The following ALOX5AP variants were observed in gnomAD, a reference collection of about 807,000 sequenced individuals.
ALOX5AP encodes arachidonate 5-lipoxygenase activating protein, also known as arachidonate 5-lipoxygenase-activating protein.
A neutral mutation model predicts 18.5 loss-of-function variants in ALOX5AP; 9 were observed. The ratio of observed to expected loss-of-function variants is 0.49; its 90% CI spans 0.29 to 0.85. The LOEUF (loss-of-function observed/expected upper bound fraction) is 0.85, where lower values mean the gene tolerates loss of function less well. Ranked by LOEUF, ALOX5AP falls within the 40% of genes least tolerant of loss-of-function variation. The probability of loss-of-function intolerance (pLI) is 0.08; values close to 1 mark genes in which losing one functional copy is unlikely to be tolerated. For missense variants in ALOX5AP, 172 were observed against 202.5 expected, an observed-to-expected ratio of 0.85 and a Z score of 0.91; for synonymous variants, 81 against 78.6, an observed-to-expected ratio of 1.03 and a Z score of -0.16.
chr13:30,729,872 G>T lies in ALOX5AP; in HGVS notation c.117-5679G>T, dbSNP rs556365041. On this transcript the variant is annotated intron_variant, in intron 1 of 5. Transcript: ENST00000617770. ...ATTATAGGCATGAGCCACCGTGCCC[G>T]GCCTTAACCTTTGTTTTCTTACACA... 2.6e-5 allele frequency among the ~76,000 whole-genome samples: 4 copies of T among 152,278 alleles called. No individual in the cohort carries two copies. The South Asian group carries it at 8.3e-4, about 32-fold the overall frequency.
At chr13:30,749,134 C>T (rs529711359) in intron 2 of ALOX5AP, among the ~76,000 whole-genome samples, 1 of 152,324 alleles carries the variant, frequency 6.6e-6, no homozygotes, top group African/African-American at 2.4e-5. Flanking sequence ...CATTCAACTC[C>T]AGGCTGACCA....
intron 1 of ALOX5AP, among the ~76,000 whole-genome samples, chr13:30,715,242 G>T (rs188295408): frequency 6.6e-6 from 1 of 152,168 alleles, no homozygotes; most frequent in Non-Finnish European, 1.5e-5. Flanking sequence ...TGTAAAAAGG[G>T]CAATAATATA....
At chr13:30,729,633 G>A (rs528050566) in intron 1 of ALOX5AP, among the ~76,000 whole-genome samples, 23 of 148,982 alleles carry the variant, frequency 1.5e-4, no homozygotes, top group Admixed American at 1.4e-3. Flanking sequence ...CTGGAGTGCA[G>A]TGGCGTGATC....
chr13:30,738,247 T>G (rs1028690147), intron 1 of ALOX5AP, among the ~76,000 whole-genome samples: 5 of 152,222 alleles, frequency 3.3e-5, no homozygotes, highest in Admixed American at 6.5e-5. Flanking sequence ...TGCAATGTCC[T>G]CCTCTGCCTT....
At chr13:30,724,645 G>A (rs536742847) in intron 1 of ALOX5AP, among the ~76,000 whole-genome samples, 18 of 152,256 alleles carry the variant, frequency 1.2e-4, no homozygotes, top group Middle Eastern at 3.4e-3. Context: ...ATAACTATTC[G>A]CCTTTTGAGA....
chr13:30,762,562 T>C (rs542794928), intron 4 of ALOX5AP, among the ~76,000 whole-genome samples: 17 of 149,640 alleles, frequency 1.1e-4, no homozygotes, highest in Non-Finnish European at 1.5e-4. Context: ...GCACTCCAGC[T>C]GGGCAATAGA....
At chr13:30,715,378 T>C (rs746753516) in intron 1 of ALOX5AP, among the ~76,000 whole-genome samples, 3 of 152,226 alleles carry the variant, frequency 2.0e-5, no homozygotes, top group Non-Finnish European at 4.4e-5. Flanking sequence ...ATAAACAATA[T>C]GGCTTTGGGA....
chr13:30,725,432 T>C (rs1248039303), intron 1 of ALOX5AP, among the ~76,000 whole-genome samples: 1 of 152,248 alleles, frequency 6.6e-6, no homozygotes, highest in Non-Finnish European at 1.5e-5. Flanking sequence ...TGGGCTTACA[T>C]ATATCATGGC....
At chr13:30,716,812 G>A (rs957665685) in intron 1 of ALOX5AP, among the ~76,000 whole-genome samples, 1 of 152,222 alleles carries the variant, frequency 6.6e-6, no homozygotes, top group Non-Finnish European at 1.5e-5. Context: ...TATACTCATG[G>A]TTGTGATCTC....
chr13:30,764,149 C>T lies in ALOX5AP; in HGVS notation c.*43C>T. On this transcript the variant is annotated 3_prime_UTR_variant, in exon 5 of 5. Coordinates refer to ENST00000380490, the MANE Select transcript of ALOX5AP (RefSeq NM_001629.4). ...GGTTGGTGTTCTCATCTAATCAATA[C>T]CTACAAGTCATCATAATTCAGCTCT... is the stretch of plus-strand genomic sequence containing the variant. 4 of 1,574,096 alleles carry T rather than the reference C, an allele frequency of 2.5e-6. No homozygotes were observed. Among genetic ancestry groups the T allele is most frequent in the Non-Finnish European group, 3.5e-6 (4 of 1,155,518 alleles).
intron 1 of ALOX5AP, among the ~76,000 whole-genome samples, chr13:30,729,425 A>G (rs1272537026): frequency 6.6e-6 from 1 of 152,208 alleles, no homozygotes; most frequent in Non-Finnish European, 1.5e-5. Context: ...GTCAAAAATC[A>G]ACTGAGCATA....
chr13:30,745,788 G>C (rs186766905), intron 2 of ALOX5AP, among the ~76,000 whole-genome samples: 4 of 152,322 alleles, frequency 2.6e-5, no homozygotes, highest in Admixed American at 2.6e-4. Context: ...GTGCAAAGAA[G>C]GTGTCTTTGA....
At chr13:30,719,078 G>A (rs778520775) in intron 1 of ALOX5AP, among the ~76,000 whole-genome samples, 4 of 152,168 alleles carry the variant, frequency 2.6e-5, no homozygotes, top group African/African-American at 2.4e-5. Flanking sequence ...CACACTGACC[G>A]GGTCTGAGTC....
At chr13:30,745,269 G>A (rs1040145250) in intron 2 of ALOX5AP, among the ~76,000 whole-genome samples, 8 of 152,196 alleles carry the variant, frequency 5.3e-5, no homozygotes, top group Non-Finnish European at 8.8e-5. Flanking sequence ...GGGGATTGGA[G>A]GGGGCATCTC....
At chr13:30,756,624 C>T (rs1162178286) in intron 4 of ALOX5AP, among the ~76,000 whole-genome samples, 1 of 152,010 alleles carries the variant, frequency 6.6e-6, no homozygotes, top group Non-Finnish European at 1.5e-5. Flanking sequence ...GCCTGGCCAA[C>T]ATGGTGAAAC....
At chr13:30,736,351 A>AAAC (rs17239060) in intron 1 of ALOX5AP, among the ~76,000 whole-genome samples, 16 of 149,520 alleles carry the variant, frequency 1.1e-4, no homozygotes, top group African/African-American at 4.1e-4. Context: ...TATTAGTTAA[A>AAAC]AACAACAACA....
chr13:30,719,068 C>A lies in ALOX5AP; in HGVS notation c.116+5227C>A, dbSNP rs556108196. Reference sequence around the variant, plus strand: ...GGTGAAATCCCACGAACTCAGGCATCACACTGACCGGGTCTGAGTCCTGTC... The same window carrying A: ...GGTGAAATCCCACGAACTCAGGCATAACACTGACCGGGTCTGAGTCCTGTC... On this transcript the variant is annotated intron_variant, in intron 1 of 5. Coordinates refer to the ALOX5AP transcript ENST00000617770. Among the ~76,000 whole-genome samples, 6 of 152,330 alleles carry A rather than the reference C, an allele frequency of 3.9e-5. No individual in the cohort carries two copies. The South Asian group carries it at 1.2e-3, about 32-fold the overall frequency.
upstream of ALOX5AP, among the ~76,000 whole-genome samples, chr13:30,734,446 A>T (rs931046617): frequency 1.3e-5 from 2 of 152,232 alleles, no homozygotes; most frequent in African/African-American, 2.4e-5. Context: ...AAGTTTTGAT[A>T]AAAGCACCTC....
At chr13:30,744,376 G>C in intron 2 of ALOX5AP, 1 of 489,858 alleles carries the variant, frequency 2.0e-6, no homozygotes, top group Non-Finnish European at 3.7e-6. Flanking sequence ...GGGGATATGG[G>C]GCACATTGGT....
Sources: allele counts gnomAD v4.1 joint callset (sites outside exome capture counted in the v4.1 genomes callset), GRCh38; gene constraint gnomAD v4.1.1; transcripts MANE v1.5; gene names NCBI Gene and HGNC (gene_info 2026-07-23, HGNC 2026-07-21).